Variants in AFF4 observed in about 807,000 individuals in gnomAD.
AFF4 encodes the protein AF4/FMR2 family member 4.
In AFF4, 13 loss-of-function variants were observed where a neutral mutation model predicts 124.8. The observed-to-expected ratio is 0.10, with a 90% confidence interval of 0.07 to 0.17. The LOEUF (loss-of-function observed/expected upper bound fraction) is 0.17. Ranked by LOEUF, AFF4 falls within the 10% of genes least tolerant of loss-of-function variation. The pLI is 1.00. For synonymous variants in AFF4, 477 were observed against 496.1 expected, an observed-to-expected ratio of 0.96 and a Z score of 0.51; for missense variants, 1,092 against 1,403.8, an observed-to-expected ratio of 0.78 and a Z score of 3.55.
chr5:132,904,791 G>C lies in AFF4; in HGVS notation c.1051-387C>G, dbSNP rs557778847. On this transcript the variant is annotated intron_variant, in intron 5 of 20. Coordinates refer to ENST00000265343, the MANE Select transcript of AFF4 (RefSeq NM_014423.4). ...ATAGCTGTATAACCTTTATCCATTA[G>C]AAGTATACCACTTTTTTGGGAGGCC... Among the ~76,000 whole-genome samples, 4 of 152,168 alleles carry C rather than the reference G, an allele frequency of 2.6e-5. No homozygotes were observed. In the South Asian group the frequency reaches 8.3e-4, roughly 32 times the overall value.
intron 1 of AFF4, among the ~76,000 whole-genome samples, chr5:132,948,141 C>T (rs1392114042): frequency 6.6e-6 from 1 of 151,982 alleles, no homozygotes; most frequent in Non-Finnish European, 1.5e-5. Flanking sequence ...ACCTCCGCCT[C>T]CTGGGTTCAA....
rs753305540 is a variant in AFF4, at chr5:132,883,503, T to A, written c.3201A>T (p.Gly1067=). The change falls in exon 20 of 21, where the codon GGA becomes GGT. Residue 1067 remains glycine (G), a synonymous_variant. Transcript: ENST00000265343. ...VSPKLSPGNS[G]NYSSGASSAS... is the part of the protein sequence containing the mutation. ...CACTACTGGCCCCAGATGAATAATT[T>A]CCTGAATTGCCTGGTGACAGCTTTG... The A allele has an allele frequency of 6.2e-7, 1 of 1,613,984 alleles. No individual in the cohort carries two copies. Among genetic ancestry groups the A allele is most frequent in the Non-Finnish European group, 8.5e-7 (1 of 1,180,010 alleles).
intron 18 of AFF4, among the ~76,000 whole-genome samples, chr5:132,885,876 C>T (rs536235349): frequency 1.3e-5 from 2 of 152,134 alleles, no homozygotes; most frequent in Non-Finnish European, 2.9e-5. Flanking sequence ...AGGGTTCAAG[C>T]GATTCTCCTG....
intron 1 of AFF4, among the ~76,000 whole-genome samples, chr5:132,951,892 G>T (rs996687908): frequency 6.6e-6 from 1 of 152,110 alleles, no homozygotes; most frequent in Non-Finnish European, 1.5e-5. Context: ...GAATTGTTTT[G>T]CATATTTCTT....
intron 1 of AFF4, among the ~76,000 whole-genome samples, chr5:132,958,831 A>T (rs930294824): frequency 4.6e-5 from 7 of 152,164 alleles, no homozygotes; most frequent in African/African-American, 1.7e-4. Context: ...GGCCCAAAGC[A>T]ACTCCAGGCA....
intron 1 of AFF4, among the ~76,000 whole-genome samples, chr5:132,961,134 A>T (rs1438323679): frequency 6.6e-6 from 1 of 152,126 alleles, no homozygotes; most frequent in Non-Finnish European, 1.5e-5. Context: ...CTGAGGCAGG[A>T]GAATCGCTTG....
At chr5:132,895,202 T>A (rs1287048036) in intron 11 of AFF4, among the ~76,000 whole-genome samples, 3 of 147,570 alleles carry the variant, frequency 2.0e-5, no homozygotes, top group Non-Finnish European at 2.9e-5. Flanking sequence ...CTCTATACTA[T>A]GATAATGGAA....
At chr5:132,892,935 T>TA (rs1318558247) in intron 12 of AFF4, 95 bp downstream of exon 12, 8 of 1,205,528 alleles carry the variant, frequency 6.6e-6, no homozygotes, top group Non-Finnish European at 9.7e-6. Context: ...ACTTGCTTAC[T>TA]AAAAGGAACA....
chr5:132,905,972 T>C (rs1353327401), intron 5 of AFF4, among the ~76,000 whole-genome samples: 1 of 152,108 alleles, frequency 6.6e-6, no homozygotes, highest in Non-Finnish European at 1.5e-5. Flanking sequence ...GAAAAGGGCC[T>C]GAATAAACAT....
chr5:132,930,482 GATA>G (rs1358665858), intron 4 of AFF4, among the ~76,000 whole-genome samples: 1 of 152,150 alleles, frequency 6.6e-6, no homozygotes, highest in Admixed American at 6.5e-5. Context: ...GAGGGAGAAA[GATA>G]ATGACCATAG....
intron 5 of AFF4, among the ~76,000 whole-genome samples, chr5:132,908,025 A>G (rs1581290854): frequency 6.6e-6 from 1 of 152,306 alleles, no homozygotes; most frequent in East Asian, 1.9e-4. Context: ...AACAGTTTTA[A>G]GAAAGCTAGA....
Position 132,878,007 on chromosome 5 carries a change from G to C in AFF4, c.*3052C>G. 1 of 223,674 alleles carries C rather than the reference G, an allele frequency of 4.5e-6. No individual in the cohort carries two copies. The allele number at this position is 223,674 out of a possible 1,614,324, so 13.9% of individuals were successfully genotyped here. On this transcript the variant is annotated 3_prime_UTR_variant, in exon 21 of 21. Transcript: ENST00000265343. The stretch of plus-strand genomic sequence containing the variant: ...TTTTACACTAGAGAATTAAATAAAT[G>C]GTGGTCAACCTTCTCCACTCTTCGG...
At chr5:132,890,656 C>T (rs1760231396) in intron 13 of AFF4, among the ~76,000 whole-genome samples, 1 of 152,146 alleles carries the variant, frequency 6.6e-6, no homozygotes, top group African/African-American at 2.4e-5. Flanking sequence ...TCAAATGTCA[C>T]TGCCTAACTT....
intron 1 of AFF4, among the ~76,000 whole-genome samples, chr5:132,938,379 T>C (rs182743348): frequency 5.1e-4 from 77 of 151,854 alleles, no homozygotes; most frequent in African/African-American, 1.8e-3. Flanking sequence ...GCGATTCTCC[T>C]ACCTCAGCCT....
At chr5:132,904,186 G>A (rs768281329) in intron 6 of AFF4, 182 bp downstream of exon 6, 132 of 449,646 alleles carry the variant, frequency 2.9e-4, no homozygotes, top group African/African-American at 2.5e-3. Context: ...GAGCCCTGGA[G>A]ATCGAGGCTG....
chr5:132,913,418 T>C (rs558302154), intron 5 of AFF4, among the ~76,000 whole-genome samples: 2 of 152,310 alleles, frequency 1.3e-5, no homozygotes, highest in East Asian at 3.9e-4. Context: ...CAACTTGACC[T>C]AACAGGACAC....
Position 132,896,900 on chromosome 5 carries a change from T to G in AFF4, c.1730A>C (p.Glu577Ala), listed in dbSNP as rs756513798. Reference protein sequence around the residue: ...PKKAEKAAAEEPRGGLKIESE... With the variant: ...PKKAEKAAAEAPRGGLKIESE... ...TTCTATCTTCAGGCCTCCACGAGGC[T>G]CTTCAGCAGCTGCCTTCTCAGCCTT... The change falls in exon 11 of 21, where the codon GAG becomes GCG. Residue 577 changes from glutamate (E) to alanine (A), a missense_variant. Coordinates refer to ENST00000265343, the MANE Select transcript of AFF4 (RefSeq NM_014423.4). The G allele has an allele frequency of 6.2e-7, 1 of 1,614,070 alleles. No individual in the cohort carries two copies. The highest frequency in any genetic ancestry group is 8.5e-7 in the Non-Finnish European group (1 of 1,180,036).
rs1324127821 is a variant in AFF4 at position 132,937,097 on chromosome 5, G to A, written c.93C>T (p.Ser31=). 6.2e-7 allele frequency: 1 copy of A among 1,613,600 alleles called. No homozygotes were observed. Among genetic ancestry groups the A allele is most frequent in the African/African-American group, 1.3e-5 (1 of 74,918 alleles). ...IQQGEDAFPP[S]SPLFAEPYKV... is the part of the protein sequence containing the mutation. ...TGTATGGCTCTGCAAAGAGAGGAGA[G>A]CTAGGTGGGAAGGCGTCTTCGCCCT... Residue 31 remains serine (S), a synonymous_variant, in exon 2 of 21, where the codon AGC becomes AGT. Coordinates refer to ENST00000265343, the MANE Select transcript of AFF4 (RefSeq NM_014423.4).
At chr5:132,961,575 G>A (rs1762083303) in intron 1 of AFF4, among the ~76,000 whole-genome samples, 1 of 152,158 alleles carries the variant, frequency 6.6e-6, no homozygotes. Flanking sequence ...GTACACAGAA[G>A]AGAATGTATC....
Sources: allele counts gnomAD v4.1 joint callset (sites outside exome capture counted in the v4.1 genomes callset), GRCh38; gene constraint gnomAD v4.1.1; transcripts MANE v1.5; gene names NCBI Gene and HGNC (gene_info 2026-07-23, HGNC 2026-07-21).